Variants in TANGO6 observed in about 807,000 individuals in gnomAD.
The protein encoded by TANGO6 is transport and golgi organization 6 homolog.
A neutral mutation model predicts 114.2 loss-of-function variants in TANGO6; 90 were observed. That is an observed-to-expected ratio of 0.79 (90% CI 0.66 to 0.94). The LOEUF is 0.94. TANGO6 is among the 40% of genes least tolerant of loss of function. The probability of loss-of-function intolerance (pLI) is 0.00; values close to 1 mark genes in which losing one functional copy is unlikely to be tolerated. For missense variants in TANGO6, 1,274 were observed against 1,315.3 expected (o/e 0.97, Z 0.49); for synonymous variants, 477 against 509.8 (o/e 0.94, Z 0.87).
At chr16:68,844,148 C>T (rs1200454114) in intron 1 of TANGO6, among the ~76,000 whole-genome samples, 1 of 152,146 alleles carries the variant, frequency 6.6e-6, no homozygotes, top group African/African-American at 2.4e-5. Context: ...GAAGTCCAGA[C>T]ATCGGAAGCA....
At chr16:68,885,880 A>C (rs904475375) in intron 7 of TANGO6, among the ~76,000 whole-genome samples, 1 of 152,130 alleles carries the variant, frequency 6.6e-6, no homozygotes. Context: ...GTGTGAACCT[A>C]TGTTATCGTT....
In TANGO6 at chr16:68,964,462, A is replaced by G. The variant is rs952582818; in HGVS notation, c.2702-9566A>G. 1.1e-4 allele frequency among the ~76,000 whole-genome samples: 16 copies of G among 152,054 alleles called. 1 individual carries two copies. The highest frequency in any genetic ancestry group is 3.9e-4 in the African/African-American group (16 of 41,392). Reference sequence around the variant, plus strand: ...CAATGAGTGTATATTTCCCCTTTGTACACAAATAGTTGAATTCAATAGAGA... The same window carrying G: ...CAATGAGTGTATATTTCCCCTTTGTGCACAAATAGTTGAATTCAATAGAGA... On this transcript the variant is annotated intron_variant, in intron 14 of 17. Transcript: ENST00000261778.
rs369661109 is a variant in TANGO6 at position 68,974,003 on chromosome 16, C to G, written c.2702-25C>G. ...CTTTTGATCGTAAACAGTAATGAATCCTTTCTTTTTGTTTTCAACCCCAGG... is the reference window on the plus strand; with the variant it reads ...CTTTTGATCGTAAACAGTAATGAATGCTTTCTTTTTGTTTTCAACCCCAGG... On this transcript the variant is annotated intron_variant, in intron 14 of 17. Coordinates refer to ENST00000261778, the MANE Select transcript of TANGO6 (RefSeq NM_024562.2). The G allele has an allele frequency of 1.9e-6, 3 of 1,579,748 alleles. No individual in the cohort carries two copies. The African/African-American group carries it at 4.0e-5, about 21-fold the overall frequency.
intron 14 of TANGO6, among the ~76,000 whole-genome samples, chr16:68,959,899 T>A (rs1246878146): frequency 6.6e-6 from 1 of 152,212 alleles, no homozygotes. Context: ...GTAGAAAACT[T>A]AGGGGAAAAA....
intron 15 of TANGO6, among the ~76,000 whole-genome samples, chr16:68,997,838 AG>A (rs1964005778): frequency 6.6e-6 from 1 of 152,090 alleles, no homozygotes; most frequent in Non-Finnish European, 1.5e-5. Context: ...CTTAATCCTA[AG>A]GGTTGTAAAG....
chr16:68,875,008 G>T, intron 4 of TANGO6, 146 bp from the exon 5 acceptor site: 1 of 690,906 alleles, frequency 1.4e-6, no homozygotes, highest in South Asian at 4.0e-5. Flanking sequence ...AAGTATAGAA[G>T]GGTAGATTAT....
intron 15 of TANGO6, among the ~76,000 whole-genome samples, chr16:69,009,076 T>TC (rs1964121976): frequency 8.7e-6 from 1 of 115,506 alleles, no homozygotes; most frequent in East Asian, 2.3e-4. Flanking sequence ...TTATTTCTTT[T>TC]TTTTTTTTTT....
At position 69,061,833 on chromosome 16, in the gene TANGO6, G is replaced by A. The variant is rs575295581; in HGVS notation, c.3108+21412G>A. ...AGGAAATCGAGACAATCCTGGCTAAGACGGTGAAACCCCATCTCTACTAAA... is the reference window on the plus strand; with the variant it reads ...AGGAAATCGAGACAATCCTGGCTAAAACGGTGAAACCCCATCTCTACTAAA... On this transcript the variant is annotated intron_variant, in intron 17 of 17. Transcript: ENST00000261778. Among the ~76,000 whole-genome samples the A allele has an allele frequency of 1.6e-4, 25 of 152,092 alleles. No homozygotes were observed. The East Asian group carries it at 3.5e-3, about 21-fold the overall frequency.
chr16:68,909,332 T>G lies in TANGO6; in HGVS notation c.1922T>G (p.Leu641Arg). Residue 641 changes from leucine to arginine, a missense_variant, in exon 11 of 18, where the codon CTG (leucine) becomes CGG (arginine). Physicochemically the swap from Leu to Arg is moderately radical, Grantham distance 102. This residue lies in a region of TANGO6 where 908 missense variants were observed against 910.2 expected (regional missense o/e 1.00). Coordinates refer to ENST00000261778, the MANE Select transcript of TANGO6 (RefSeq NM_024562.2). ...CTTGTGGAAGGCCAAGAGCGGAAGC[T>G]GCTTGTCCTGCAGCTGATGGCTGTT... ...TLLVEGQERK[L>R]LVLQLMAVLC... is the part of the protein sequence containing the mutation. 6.2e-7 allele frequency: 1 copy of G among 1,609,006 alleles called. No homozygotes were observed. Among genetic ancestry groups the G allele is most frequent in the Non-Finnish European group, 8.5e-7 (1 of 1,177,398 alleles).
intron 15 of TANGO6, among the ~76,000 whole-genome samples, chr16:69,012,556 CAAA>C (rs1175561720): frequency 1.4e-4 from 5 of 36,508 alleles, no homozygotes; most frequent in African/African-American, 2.1e-4. Context: ...AACTCTGTCT[CAAA>C]AAAAAAAAAA....
intron 4 of TANGO6, among the ~76,000 whole-genome samples, chr16:68,869,987 G>A (rs74621603): frequency 0.097 from 14,717 of 152,194 alleles, 807 homozygotes; most frequent in Non-Finnish European, 0.13. Flanking sequence ...AGTTCAGGAT[G>A]TTGAACTTTA....
intron 12 of TANGO6, among the ~76,000 whole-genome samples, chr16:68,922,888 T>C (rs2152193017): frequency 6.7e-6 from 1 of 148,560 alleles, no homozygotes; most frequent in African/African-American, 2.5e-5. Flanking sequence ...ATCTCTTCTC[T>C]AAAGGGGAAG....
At chr16:68,879,056 A>G (rs1962415323) in intron 6 of TANGO6, among the ~76,000 whole-genome samples, 1 of 151,964 alleles carries the variant, frequency 6.6e-6, no homozygotes, top group African/African-American at 2.4e-5. Context: ...AGCCTGGGCA[A>G]CAGAGTGCAA....
intron 6 of TANGO6, among the ~76,000 whole-genome samples, chr16:68,880,085 G>A (rs1343567374): frequency 6.6e-6 from 1 of 152,012 alleles, no homozygotes; most frequent in Non-Finnish European, 1.5e-5. Flanking sequence ...CGATTCTCCT[G>A]CCTCAGCCTC....
chr16:68,961,503 C>T (rs190646508), intron 14 of TANGO6, among the ~76,000 whole-genome samples: 49 of 152,324 alleles, frequency 3.2e-4, no homozygotes, highest in African/African-American at 1.1e-3. Context: ...AAAGTGCTTA[C>T]GACTGTACAA....
intron 3 of TANGO6, among the ~76,000 whole-genome samples, chr16:68,863,398 G>A (rs576142347): frequency 1.3e-4 from 19 of 151,560 alleles, no homozygotes; most frequent in East Asian, 2.0e-4. Flanking sequence ...ACCTGAGGTC[G>A]TGAGTTCGAG....
chr16:68,996,570 A>T (rs1223562683), intron 15 of TANGO6, among the ~76,000 whole-genome samples: 1 of 152,208 alleles, frequency 6.6e-6, no homozygotes, highest in Non-Finnish European at 1.5e-5. Context: ...GACTGGATCA[A>T]CAAGATGTTT....
At chr16:68,933,224 G>A (rs897879277) in intron 14 of TANGO6, among the ~76,000 whole-genome samples, 2 of 152,204 alleles carry the variant, frequency 1.3e-5, no homozygotes, top group African/African-American at 4.8e-5. Flanking sequence ...AGACCAGCCT[G>A]ATCAACATGG....
In TANGO6 at chr16:68,927,752, A is replaced by G. The variant is rs758743107; in HGVS notation, c.2312A>G (p.Asp771Gly). 6.2e-7 allele frequency: 1 copy of G among 1,613,978 alleles called. No homozygotes were observed. Among genetic ancestry groups the G allele is most frequent in the Non-Finnish European group, 8.5e-7 (1 of 1,179,886 alleles). ...GCCCAAAGTACACTGAACAGAAAAG[A>G]TCTGGAAGGGAAAATAGAAGAGCAG... ...MAAQSTLNRK[D>G]LEGKIEEQQQ... Residue 771 changes from aspartate (D) to glycine (G), a missense_variant, in exon 13 of 18, where the codon GAT (aspartate) becomes GGT (glycine). Coordinates refer to ENST00000261778, the MANE Select transcript of TANGO6 (RefSeq NM_024562.2).
Sources: gnomAD v4.1 joint callset for allele counts (sites outside exome capture counted in the v4.1 genomes callset) on GRCh38, gnomAD v4.1.1 for gene constraint, gnomAD v4.1.1 regional missense constraint, MANE v1.5 for transcripts, NCBI Gene and HGNC (gene_info 2026-07-23, HGNC 2026-07-21) for gene names.